PLEKHA7: variants seen among roughly 807,000 people sequenced by gnomAD.
PLEKHA7 encodes the protein pleckstrin homology domain containing A7.
A neutral mutation model predicts 170.0 loss-of-function variants in PLEKHA7; 104 were observed. The observed-to-expected ratio is 0.61, with a 90% CI of 0.52 to 0.72. The LOEUF (loss-of-function observed/expected upper bound fraction) is 0.72. Ranked by LOEUF, PLEKHA7 falls within the 30% of genes least tolerant of loss-of-function variation. The pLI is 0.00. For missense variants in PLEKHA7, 1,615 were observed against 1,671.7 expected (o/e 0.97, Z 0.59); for synonymous variants, 648 against 660.8 (o/e 0.98, Z 0.30).
In PLEKHA7 at chr11:16,801,560, C is replaced by T. The variant is rs1848597707; in HGVS notation, c.2307+108G>A. 3 of 1,378,112 alleles carry T rather than the reference C, an allele frequency of 2.2e-6. No homozygotes were observed. The South Asian group carries it at 4.0e-5, about 18-fold the overall frequency. 85.4% of individuals were successfully genotyped at this position (1,378,112 alleles called of 1,614,324 possible). ...TGCTACTGGAGAAGCTCTGCTATTT[C>T]AGGACTCTTGCCTCTGGACACCAAC... On this transcript the variant is annotated intron_variant, in intron 16 of 26. Coordinates refer to ENST00000531066, the MANE Select transcript of PLEKHA7 (RefSeq NM_001329630.2).
chr11:16,831,568 TTC>T (rs1313467322), intron 9 of PLEKHA7, among the ~76,000 whole-genome samples: 1 of 152,222 alleles, frequency 6.6e-6, no homozygotes, highest in African/African-American at 2.4e-5. Flanking sequence ...CCGGTCACTG[TTC>T]AAAAACACAG....
At chr11:16,852,472 T>C in intron 6 of PLEKHA7, 117 bp from the exon 7 acceptor site, 2 of 738,774 alleles carry the variant, frequency 2.7e-6, no homozygotes, top group East Asian at 5.6e-5. Flanking sequence ...TTTGTTTTAA[T>C]AAATTACCAT....
chr11:16,875,651 C>T (rs1590423159), intron 3 of PLEKHA7, among the ~76,000 whole-genome samples: 1 of 151,876 alleles, frequency 6.6e-6, no homozygotes, highest in Non-Finnish European at 1.5e-5. Flanking sequence ...CACCATGTTG[C>T]CCAGACTGGT....
intron 4 of PLEKHA7, among the ~76,000 whole-genome samples, chr11:16,856,559 A>T (rs566378939): frequency 1.3e-5 from 2 of 152,142 alleles, no homozygotes; most frequent in African/African-American, 2.4e-5. Context: ...TTGGGCCCCC[A>T]GTAAGAATAT....
chr11:16,894,183 C>T (rs891242188), intron 3 of PLEKHA7, among the ~76,000 whole-genome samples: 1 of 152,216 alleles, frequency 6.6e-6, no homozygotes, highest in African/African-American at 2.4e-5. Context: ...GAAGGGGGAC[C>T]ATCCCAGCAT....
At chr11:16,997,754 T>C (rs1333597657) in intron 3 of PLEKHA7, among the ~76,000 whole-genome samples, 2 of 152,204 alleles carry the variant, frequency 1.3e-5, no homozygotes, top group Non-Finnish European at 2.9e-5. Flanking sequence ...AAGGGGTTGC[T>C]GACTCGACAG....
chr11:16,896,831 G>C (rs1857023348), intron 3 of PLEKHA7, among the ~76,000 whole-genome samples: 1 of 152,148 alleles, frequency 6.6e-6, no homozygotes. Context: ...TGCACACACT[G>C]TTCCCTTTTC....
intron 3 of PLEKHA7, among the ~76,000 whole-genome samples, chr11:16,888,050 G>A (rs4756870): frequency 0.17 from 25,252 of 147,292 alleles, 2,597 homozygotes; most frequent in Non-Finnish European, 0.24. Context: ...CCGCCACCCC[G>A]TTCTGGGAGG....
intron 3 of PLEKHA7, among the ~76,000 whole-genome samples, chr11:16,981,800 G>T (rs970042662): frequency 6.6e-6 from 1 of 152,110 alleles, no homozygotes; most frequent in Admixed American, 6.6e-5. Context: ...CATTTCAACA[G>T]AGCCACCATT....
intron 3 of PLEKHA7, among the ~76,000 whole-genome samples, chr11:16,887,837 G>A (rs4379815): frequency 0.052 from 7,865 of 151,296 alleles, 657 homozygotes; most frequent in African/African-American, 0.18. Flanking sequence ...AGTGAGGAGC[G>A]TCTCTGCCTG....
At chr11:16,785,302 G>A (rs948616744) in intron 24 of PLEKHA7, among the ~76,000 whole-genome samples, 7 of 152,206 alleles carry the variant, frequency 4.6e-5, no homozygotes, top group Admixed American at 1.3e-4. Flanking sequence ...GTCTCGCCTC[G>A]ATCCATCCTT....
intron 3 of PLEKHA7, among the ~76,000 whole-genome samples, chr11:16,886,190 T>C (rs527325674): frequency 3.0e-4 from 46 of 152,120 alleles, no homozygotes; most frequent in Admixed American, 5.9e-4. Context: ...CAGAGACTCC[T>C]GGAAAAGAAA....
At chr11:16,865,593 G>GGGCACCTGCTACTCGGGA (rs11268016) in intron 4 of PLEKHA7, among the ~76,000 whole-genome samples, 115,955 of 151,328 alleles carry the variant, frequency 0.77, 46,791 homozygotes, top group East Asian at 0.91. Flanking sequence ...GTGTGATGGT[G>GGGCACCTGCTACTCGGGA]GGCTGAGGCA....
At chr11:16,984,256 G>C (rs1019289521) in intron 3 of PLEKHA7, among the ~76,000 whole-genome samples, 1 of 151,710 alleles carries the variant, frequency 6.6e-6, no homozygotes, top group Non-Finnish European at 1.5e-5. Context: ...GTATATTTTA[G>C]AATATTATCC....
At chr11:16,959,143 A>G (rs1022924052) in intron 3 of PLEKHA7, among the ~76,000 whole-genome samples, 1 of 152,192 alleles carries the variant, frequency 6.6e-6, no homozygotes, top group Non-Finnish European at 1.5e-5. Context: ...ATACGTAAAC[A>G]CATGTCACAT....
chr11:16,925,857 A>T (rs1184332131), intron 3 of PLEKHA7, among the ~76,000 whole-genome samples: 1 of 152,242 alleles, frequency 6.6e-6, no homozygotes, highest in African/African-American at 2.4e-5. Flanking sequence ...GTCCGAGCCC[A>T]GCACATTCCT....
chr11:16,851,862 T>C (rs1037228542), intron 7 of PLEKHA7, among the ~76,000 whole-genome samples: 1 of 152,252 alleles, frequency 6.6e-6, no homozygotes, highest in Non-Finnish European at 1.5e-5. Flanking sequence ...AAAGCACCAG[T>C]AGCAGTCTAG....
At position 16,794,512 on chromosome 11, in the gene PLEKHA7, T is replaced by G; in HGVS notation, c.2721A>C (p.Ser907=). 1 of 1,613,918 alleles carries G rather than the reference T, an allele frequency of 6.2e-7. No individual in the cohort carries two copies. Among genetic ancestry groups the G allele is most frequent in the Non-Finnish European group, 8.5e-7 (1 of 1,179,998 alleles). The change falls in exon 19 of 27, where the codon TCA becomes TCC. Residue 907 remains serine, a synonymous_variant. Coordinates refer to ENST00000531066, the MANE Select transcript of PLEKHA7 (RefSeq NM_001329630.2). Reference sequence around the variant, plus strand: ...CAACTTTGGGCTTCGCCTTAGTTGGTGACTGAAGGGGGGATGTCACTTTCC... The same window carrying G: ...CAACTTTGGGCTTCGCCTTAGTTGGGGACTGAAGGGGGGATGTCACTTTCC... The part of the protein sequence containing the change: ...QLRKVTSPLQ[S]PTKAKPKVED...
intron 3 of PLEKHA7, among the ~76,000 whole-genome samples, chr11:16,981,489 C>T (rs924769056): frequency 1.3e-5 from 2 of 152,244 alleles, no homozygotes; most frequent in African/African-American, 2.4e-5. Flanking sequence ...CTCAGTGATG[C>T]TCCAGAACAG....
Sources: allele counts gnomAD v4.1 joint callset (sites outside exome capture counted in the v4.1 genomes callset), GRCh38; gene constraint gnomAD v4.1.1; transcripts MANE v1.5; gene names NCBI Gene and HGNC (gene_info 2026-07-23, HGNC 2026-07-21).